The following ATP8B4 variants were observed in gnomAD, a reference collection of about 807,000 sequenced individuals.
ATP8B4 encodes probable phospholipid-transporting ATPase IM.
Under a neutral mutation model 145.6 loss-of-function variants are expected in ATP8B4, and 133 were observed. The ratio of observed to expected loss-of-function variants is 0.91; its 90% confidence interval spans 0.79 to 1.05. The LOEUF (loss-of-function observed/expected upper bound fraction) is 1.05, where lower values mean the gene tolerates loss of function less well. Ranked by LOEUF, ATP8B4 falls within the 50% of genes least tolerant of loss-of-function variation. The pLI is 0.00. For synonymous variants in ATP8B4, 507 were observed against 492.9 expected, an observed-to-expected ratio of 1.03 and a Z score of -0.38; for missense variants, 1,458 against 1,425.2, an observed-to-expected ratio of 1.02 and a Z score of -0.37.
intron 10 of ATP8B4, among the ~76,000 whole-genome samples, chr15:49,981,716 G>T (rs955773248): frequency 2.6e-5 from 4 of 152,078 alleles, no homozygotes; most frequent in Admixed American, 2.6e-4. Flanking sequence ...TCAAATTCTA[G>T]ATCTGTTTCC....
intron 1 of ATP8B4, among the ~76,000 whole-genome samples, chr15:50,128,155 G>A (rs571247401): frequency 6.6e-6 from 1 of 152,200 alleles, no homozygotes; most frequent in African/African-American, 2.4e-5. Flanking sequence ...GAACACTTAT[G>A]GAGTTAAGTC....
chr15:49,927,836 G>A (rs1470753594), intron 16 of ATP8B4, among the ~76,000 whole-genome samples: 1 of 152,062 alleles, frequency 6.6e-6, no homozygotes. Context: ...GTGCTCATCA[G>A]TGGCACTGGT....
At chr15:49,974,290 C>T (rs1420581414) in intron 12 of ATP8B4, among the ~76,000 whole-genome samples, 3 of 151,914 alleles carry the variant, frequency 2.0e-5, no homozygotes, top group Non-Finnish European at 4.4e-5. Flanking sequence ...ACTACTACTA[C>T]TCGAACTACT....
At chr15:49,920,853 T>A (rs1290579787) in intron 17 of ATP8B4, among the ~76,000 whole-genome samples, 1 of 152,188 alleles carries the variant, frequency 6.6e-6, no homozygotes, top group Non-Finnish European at 1.5e-5. Context: ...GCCATAGTCC[T>A]CAAATCAAAG....
At chr15:50,015,552 G>A (rs77269430) in intron 6 of ATP8B4, among the ~76,000 whole-genome samples, 9,808 of 152,186 alleles carry the variant, frequency 0.064, 352 homozygotes, top group Non-Finnish European at 0.085. Context: ...TGGACCCTAA[G>A]GAGCTGAAAG....
At chr15:49,866,679 G>A (rs1052722950) in intron 25 of ATP8B4, among the ~76,000 whole-genome samples, 195 bp from the exon 26 acceptor site, 3 of 152,210 alleles carry the variant, frequency 2.0e-5, no homozygotes, top group South Asian at 2.1e-4. Context: ...GTAGAAAATT[G>A]ACTTTAGAAC....
intron 4 of ATP8B4, among the ~76,000 whole-genome samples, chr15:50,046,717 T>A (rs2051752807): frequency 6.6e-6 from 1 of 152,232 alleles, no homozygotes; most frequent in African/African-American, 2.4e-5. Context: ...TATGTGTGTG[T>A]ATAGTATGTA....
chr15:49,877,748 G>T (rs77558937), intron 24 of ATP8B4, among the ~76,000 whole-genome samples: 1 of 152,012 alleles, frequency 6.6e-6, no homozygotes, highest in Non-Finnish European at 1.5e-5. Flanking sequence ...TGGAACTATC[G>T]CCATGATTAA....
chr15:50,154,876 A>G lies in ATP8B4; in HGVS notation c.-43+27385T>C, dbSNP rs2044392218. On this transcript the variant is annotated intron_variant, in intron 1 of 3. Coordinates refer to the ATP8B4 transcript ENST00000558829. ...GTTTTGGTAGAGACAGGGTTTCACC[A>G]TGTTGGCCAGGCTGGACAGCAATTT... is the stretch of plus-strand genomic sequence containing the variant. Among the ~76,000 whole-genome samples the G allele has an allele frequency of 4.6e-5, 7 of 152,212 alleles. No individual in the cohort carries two copies. The South Asian group carries it at 1.5e-3, about 32-fold the overall frequency.
chr15:50,137,061 A>G (rs1470900258), intron 1 of ATP8B4, among the ~76,000 whole-genome samples: 2 of 152,206 alleles, frequency 1.3e-5, no homozygotes, highest in African/African-American at 4.8e-5. Flanking sequence ...GCTTTTGGAC[A>G]TATTGATGTC....
chr15:50,142,708 A>G (rs1365468520), intron 1 of ATP8B4, among the ~76,000 whole-genome samples: 1 of 152,184 alleles, frequency 6.6e-6, no homozygotes, highest in Non-Finnish European at 1.5e-5. Context: ...AGTAATAAAA[A>G]TCATAGCATT....
intron 9 of ATP8B4, among the ~76,000 whole-genome samples, chr15:49,990,629 T>C (rs986195544): frequency 2.0e-5 from 3 of 152,108 alleles, no homozygotes; most frequent in African/African-American, 4.8e-5. Context: ...CGTTGGTTAA[T>C]TACCAACTTG....
intron 12 of ATP8B4, among the ~76,000 whole-genome samples, chr15:49,978,383 G>A (rs2413992): frequency 0.74 from 111,756 of 152,022 alleles, 42,738 homozygotes; most frequent in East Asian, 1. Context: ...CAGAGGGCCC[G>A]AAGCAATATG....
chr15:49,938,850 AC>A (rs2153474817), intron 14 of ATP8B4, among the ~76,000 whole-genome samples: 1 of 152,276 alleles, frequency 6.6e-6, no homozygotes, highest in Non-Finnish European at 1.5e-5. Flanking sequence ...TCAACCACAT[AC>A]TCAGCCATAA....
intron 26 of ATP8B4, among the ~76,000 whole-genome samples, chr15:49,863,775 C>A (rs1182178239): frequency 1.3e-5 from 2 of 152,118 alleles, no homozygotes; most frequent in African/African-American, 4.8e-5. Flanking sequence ...ACAAGCTTCA[C>A]TTTGAAACCA....
chr15:49,867,280 G>A (rs1234092884), intron 25 of ATP8B4, among the ~76,000 whole-genome samples: 1 of 152,200 alleles, frequency 6.6e-6, no homozygotes, highest in East Asian at 1.9e-4. Context: ...TTTGTTGCAA[G>A]ACTAAAGATT....
At chr15:50,158,804 C>A (rs138772575) in intron 1 of ATP8B4, among the ~76,000 whole-genome samples, 8,886 of 151,776 alleles carry the variant, frequency 0.059, 309 homozygotes, top group African/African-American at 0.096. Context: ...TATGACCTTA[C>A]CCCCAACCCT....
chr15:50,138,447 T>C (rs5025068), intron 1 of ATP8B4, among the ~76,000 whole-genome samples: 5 of 69,340 alleles, frequency 7.2e-5, no homozygotes, highest in African/African-American at 9.6e-5. Context: ...AGATGATAGA[T>C]AGACAGATGA....
At chr15:49,918,803 T>C (rs759975783) in intron 19 of ATP8B4, 36 bp downstream of exon 19, 2 of 1,491,898 alleles carry the variant, frequency 1.3e-6, no homozygotes, top group Non-Finnish European at 9.3e-7. Flanking sequence ...CATCTCCCCA[T>C]TTTCAAAATA....
Sources: gnomAD v4.1 joint callset for allele counts (sites outside exome capture counted in the v4.1 genomes callset) on GRCh38, gnomAD v4.1.1 for gene constraint, MANE v1.5 for transcripts, NCBI Gene and HGNC (gene_info 2026-07-23, HGNC 2026-07-21) for gene names.